The following BTAF1 variants were observed in gnomAD, a reference collection of about 807,000 sequenced individuals.
BTAF1 encodes B-TFIID TATA-box binding protein associated factor 1, also known as TATA-binding protein-associated factor 172.
A neutral mutation model predicts 227.1 loss-of-function variants in BTAF1; 38 were observed. The ratio of observed to expected loss-of-function variants is 0.17; its 90% confidence interval spans 0.13 to 0.22. The LOEUF is 0.22. Ranked by LOEUF, BTAF1 falls within the 10% of genes least tolerant of loss-of-function variation. The pLI is 1.00. For missense variants in BTAF1, 1,598 were observed against 2,204.0 expected, an observed-to-expected ratio of 0.73 and a Z score of 5.51; for synonymous variants, 742 against 751.9, an observed-to-expected ratio of 0.99 and a Z score of 0.21.
At chr10:92,013,566 C>T in intron 30 of BTAF1, 101 bp from the exon 31 acceptor site, 5 of 1,416,370 alleles carry the variant, frequency 3.5e-6, no homozygotes, top group Non-Finnish European at 4.9e-6. Context: ...GTGATAATCT[C>T]TCATCTATAT....
In BTAF1 at chr10:92,011,334, A is replaced by G; in HGVS notation, c.4230A>G (p.Lys1410=). Residue 1410 remains lysine (K), a synonymous_variant, in exon 30 of 38, where the codon AAA becomes AAG. Coordinates refer to ENST00000265990, the MANE Select transcript of BTAF1 (RefSeq NM_003972.3). The stretch of plus-strand genomic sequence containing the variant: ...TTCTTGATGAAGGCCATGTCATCAA[A>G]AATGGAAAAACAAAGTTGTCAAAAG... The part of the protein sequence containing the change: ...YCILDEGHVI[K]NGKTKLSKAV... 1 of 1,500,376 alleles carries G rather than the reference A, an allele frequency of 6.7e-7. No homozygotes were observed. The highest frequency in any genetic ancestry group is 8.8e-7 in the Non-Finnish European group (1 of 1,130,862). The allele number at this position is 1,500,376 out of a possible 1,614,324, so 92.9% of individuals were successfully genotyped here.
intron 13 of BTAF1, among the ~76,000 whole-genome samples, chr10:91,965,743 CT>C (rs1236179315): frequency 1.3e-5 from 2 of 151,854 alleles, no homozygotes; most frequent in Non-Finnish European, 2.9e-5. Flanking sequence ...TGTTTTGTGT[CT>C]TTTTTATGTC....
chr10:91,936,955 C>T (rs945322788), intron 2 of BTAF1, among the ~76,000 whole-genome samples: 5 of 151,962 alleles, frequency 3.3e-5, no homozygotes, highest in African/African-American at 7.3e-5. Flanking sequence ...ACTGTCTCAC[C>T]GTCTTTCCTT....
intron 14 of BTAF1, among the ~76,000 whole-genome samples, chr10:91,972,563 C>G (rs1233011330): frequency 6.6e-6 from 1 of 152,176 alleles, no homozygotes; most frequent in Non-Finnish European, 1.5e-5. Flanking sequence ...TATTGTTAAT[C>G]TTGTGATCCC....
chr10:91,946,379 A>G (rs111257514), intron 4 of BTAF1, among the ~76,000 whole-genome samples: 1 of 152,276 alleles, frequency 6.6e-6, no homozygotes, highest in African/African-American at 2.4e-5. Flanking sequence ...AAGAAAGAAA[A>G]ATACTGCTGT....
intron 30 of BTAF1, among the ~76,000 whole-genome samples, chr10:92,012,486 T>G (rs1404511647): frequency 1.3e-5 from 2 of 150,656 alleles, no homozygotes; most frequent in Non-Finnish European, 3.0e-5. Context: ...TTTAAAAATG[T>G]AAGGCTGGGC....
intron 12 of BTAF1, 144 bp downstream of exon 12, chr10:91,962,822 G>A: frequency 1.6e-6 from 1 of 614,218 alleles, no homozygotes. Context: ...ATGCAATCTT[G>A]ATTATATATT....
intron 12 of BTAF1, among the ~76,000 whole-genome samples, chr10:91,963,224 A>G (rs928724652): frequency 4.6e-5 from 7 of 151,704 alleles, no homozygotes; most frequent in Non-Finnish European, 8.8e-5. Context: ...TCAGCCTCCT[A>G]AGTAGCTGGG....
At position 91,959,832 on chromosome 10, in the gene BTAF1, C is replaced by T. The variant is rs759548504; in HGVS notation, c.1038C>T (p.Leu346=). 3.1e-6 allele frequency: 5 copies of T among 1,607,380 alleles called. No homozygotes were observed. In the African/African-American group the frequency reaches 4.0e-5, roughly 13 times the overall value. The change falls in exon 10 of 38, where the codon CTC becomes CTT. Residue 346 remains leucine (L), a synonymous_variant. Coordinates refer to ENST00000265990, the MANE Select transcript of BTAF1 (RefSeq NM_003972.3). ...GGTTGGAAGACTTGGTTATTAGACTCCTTTGTGTTTTTGCATTAGACAGAT... is the reference window on the plus strand; with the variant it reads ...GGTTGGAAGACTTGGTTATTAGACTTCTTTGTGTTTTTGCATTAGACAGAT... ...QEWLEDLVIR[L]LCVFALDRFG... is the part of the protein sequence containing the mutation.
rs199536779 is a variant in BTAF1 at position 92,008,339 on chromosome 10, G to GC, written c.3813+64_3813+65insC. ...ACCTTGAAGCGTTGTGGGTTTGTTGGGGGGGGCTTTTGTTTCTTTTTTGAG... is the reference window on the plus strand; with the variant it reads ...ACCTTGAAGCGTTGTGGGTTTGTTGGCGGGGGGCTTTTGTTTCTTTTTTGAG... On this transcript the variant is annotated intron_variant, in intron 26 of 37. Coordinates refer to ENST00000265990, the MANE Select transcript of BTAF1 (RefSeq NM_003972.3). 1.2e-3 allele frequency: 1,734 copies of GC among 1,413,938 alleles called. 17 individuals carry two copies. The African/African-American group carries it at 0.019, about 16-fold the overall frequency. The allele number at this position is 1,413,938 out of a possible 1,614,324, so 87.6% of individuals were successfully genotyped here. A position where few individuals can be genotyped will look rare whatever the true frequency, so the allele number is the denominator to read the frequency against.
intron 23 of BTAF1, 26 bp from the exon 24 acceptor site, chr10:91,996,343 A>G: frequency 1.3e-6 from 2 of 1,594,636 alleles, no homozygotes; most frequent in Non-Finnish European, 1.7e-6. Flanking sequence ...TAATAATTCT[A>G]ATTGCCATTA....
intron 17 of BTAF1, 26 bp downstream of exon 17, chr10:91,982,251 G>A (rs1034875171): frequency 1.9e-6 from 3 of 1,613,526 alleles, no homozygotes; most frequent in Admixed American, 1.7e-5. Context: ...GTGTCAGGTA[G>A]TCATACATTT....
At chr10:91,936,005 C>T (rs1209472801) in intron 2 of BTAF1, among the ~76,000 whole-genome samples, 1 of 151,188 alleles carries the variant, frequency 6.6e-6, no homozygotes, top group African/African-American at 2.4e-5. Flanking sequence ...TTGAATCTGT[C>T]CCAGTTTGGT....
intron 3 of BTAF1, among the ~76,000 whole-genome samples, chr10:91,942,189 CAGA>C (rs1368353112): frequency 1.3e-5 from 2 of 151,950 alleles, no homozygotes; most frequent in Admixed American, 1.3e-4. Context: ...GAGGCTGAGG[CAGA>C]AGAAGTCCTT....
intron 13 of BTAF1, among the ~76,000 whole-genome samples, chr10:91,966,068 C>T (rs190896469): frequency 6.6e-6 from 1 of 152,242 alleles, no homozygotes; most frequent in East Asian, 1.9e-4. Flanking sequence ...TGTTTGCTTC[C>T]CCATTTAAAA....
At chr10:91,990,354 C>G in intron 20 of BTAF1, among the ~76,000 whole-genome samples, 1 of 152,064 alleles carries the variant, frequency 6.6e-6, no homozygotes, top group East Asian at 1.9e-4. Context: ...CCTCTTACCC[C>G]CCTGGTCCAT....
chr10:91,986,561 C>A (rs1209177779), intron 19 of BTAF1, among the ~76,000 whole-genome samples: 1 of 151,952 alleles, frequency 6.6e-6, no homozygotes, highest in Non-Finnish European at 1.5e-5. Context: ...TTTTTTTCCC[C>A]CTGGGTTCTC....
chr10:92,028,678 C>A, intron 37 of BTAF1, 112 bp from the exon 38 acceptor site: 1 of 1,070,724 alleles, frequency 9.3e-7, no homozygotes, highest in Non-Finnish European at 1.3e-6. Flanking sequence ...ACTTGAAGTA[C>A]TCAATTCTGT....
intron 4 of BTAF1, 130 bp downstream of exon 4, chr10:91,942,698 T>A: frequency 9.6e-7 from 1 of 1,037,206 alleles, no homozygotes; most frequent in Non-Finnish European, 1.4e-6. Flanking sequence ...AGTTTGCAGG[T>A]GGCGGGGGAT....
Sources: allele counts gnomAD v4.1 joint callset (sites outside exome capture counted in the v4.1 genomes callset), GRCh38; gene constraint gnomAD v4.1.1; transcripts MANE v1.5; gene names NCBI Gene and HGNC (gene_info 2026-07-23, HGNC 2026-07-21).